PARD3: variants seen among roughly 807,000 people sequenced by gnomAD.
PARD3 encodes partitioning defective 3 homolog.
PARD3 carries 75 observed loss-of-function variants against 155.4 expected under a neutral mutation model. The ratio of observed to expected loss-of-function variants is 0.48; its 90% confidence interval spans 0.40 to 0.58. The LOEUF (loss-of-function observed/expected upper bound fraction) is 0.58. Ranked by LOEUF, PARD3 falls within the 20% of genes least tolerant of loss-of-function variation. The pLI is 0.00. For synonymous variants in PARD3, 576 were observed against 610.5 expected, an observed-to-expected ratio of 0.94 and a Z score of 0.83; for missense variants, 1,642 against 1,721.7, an observed-to-expected ratio of 0.95 and a Z score of 0.82.
intron 15 of PARD3, chr10:34,343,273 C>T: frequency 2.4e-6 from 2 of 850,040 alleles, no homozygotes; most frequent in African/African-American, 1.8e-5. Flanking sequence ...GAAAATATTA[C>T]AGTATAATCA....
chr10:34,302,611 T>C (rs193049834), intron 20 of PARD3, among the ~76,000 whole-genome samples: 1 of 152,310 alleles, frequency 6.6e-6, no homozygotes, highest in East Asian at 1.9e-4. Context: ...AGGTATCACT[T>C]GTTCTGTGAA....
chr10:34,568,430 G>C (rs962620085), intron 2 of PARD3, among the ~76,000 whole-genome samples: 2 of 151,998 alleles, frequency 1.3e-5, no homozygotes, highest in Non-Finnish European at 2.9e-5. Context: ...AAAGTTTCTA[G>C]ACAACAAGAA....
chr10:34,558,114 C>T (rs944937924), intron 2 of PARD3, among the ~76,000 whole-genome samples: 3 of 152,092 alleles, frequency 2.0e-5, no homozygotes, highest in Non-Finnish European at 4.4e-5. Context: ...ATACACTGAA[C>T]GTTTCTCACC....
chr10:34,466,632 T>G (rs557318730), intron 4 of PARD3, among the ~76,000 whole-genome samples: 1 of 152,248 alleles, frequency 6.6e-6, no homozygotes, highest in South Asian at 2.1e-4. Flanking sequence ...TACAATTTTA[T>G]ACAGAAAACC....
At chr10:34,725,251 C>T (rs2094687006) in intron 1 of PARD3, among the ~76,000 whole-genome samples, 2 of 152,076 alleles carry the variant, frequency 1.3e-5, no homozygotes, top group African/African-American at 4.8e-5. Context: ...CTCCCAGGTT[C>T]AAGCGATTCT....
intron 3 of PARD3, among the ~76,000 whole-genome samples, chr10:34,498,243 C>T (rs2080424219): frequency 1.3e-5 from 2 of 151,446 alleles, no homozygotes; most frequent in Admixed American, 1.3e-4. Flanking sequence ...TATTTCTCAG[C>T]TTCATTTGAT....
At chr10:34,577,502 C>T (rs2134216240) in intron 2 of PARD3, among the ~76,000 whole-genome samples, 1 of 152,318 alleles carries the variant, frequency 6.6e-6, no homozygotes, top group East Asian at 1.9e-4. Flanking sequence ...ATGTTTCAAA[C>T]CGCTGGACAC....
intron 20 of PARD3, among the ~76,000 whole-genome samples, chr10:34,297,831 T>C (rs1418825496): frequency 1.3e-5 from 2 of 152,172 alleles, no homozygotes; most frequent in Non-Finnish European, 2.9e-5. Flanking sequence ...CTCTTCTTTC[T>C]CCTTACTAGT....
chr10:34,271,357 T>C (rs1955603476), intron 21 of PARD3, among the ~76,000 whole-genome samples: 1 of 152,130 alleles, frequency 6.6e-6, no homozygotes, highest in African/African-American at 2.4e-5. Flanking sequence ...TTATACACCG[T>C]GACCAAATGG....
intron 2 of PARD3, among the ~76,000 whole-genome samples, chr10:34,542,874 A>G (rs1049423087): frequency 2.6e-5 from 4 of 152,204 alleles, no homozygotes; most frequent in African/African-American, 9.6e-5. Flanking sequence ...TTGTGAATAA[A>G]TTCACTATTT....
intron 2 of PARD3, among the ~76,000 whole-genome samples, chr10:34,681,589 T>C (rs911479569): frequency 1.7e-4 from 25 of 149,782 alleles, no homozygotes; most frequent in East Asian, 5.8e-4. Context: ...AACACCACTG[T>C]TGTAGCTGCA....
chr10:34,808,331 G>GA (rs1564640063), intron 1 of PARD3, among the ~76,000 whole-genome samples: 2 of 148,064 alleles, frequency 1.4e-5, no homozygotes, highest in African/African-American at 2.6e-5. Flanking sequence ...AAGAAAGAAA[G>GA]AAAAAACTTG....
intron 1 of PARD3, among the ~76,000 whole-genome samples, chr10:34,782,687 G>A (rs181990994): frequency 1.3e-5 from 2 of 152,094 alleles, no homozygotes; most frequent in Admixed American, 1.3e-4. Flanking sequence ...ATTCCAAGAA[G>A]GACTTAACGT....
intron 2 of PARD3, among the ~76,000 whole-genome samples, chr10:34,611,149 A>G (rs917038371): frequency 6.6e-6 from 1 of 152,220 alleles, no homozygotes; most frequent in African/African-American, 2.4e-5. Flanking sequence ...GTGAGGCAGA[A>G]TAAGGGCCAG....
At chr10:34,312,290 T>TA (rs901674856) in intron 20 of PARD3, 199 of 1,601,984 alleles carry the variant, frequency 1.2e-4, no homozygotes, top group Non-Finnish European at 1.6e-4. Flanking sequence ...ATTGTTTGTT[T>TA]AAAAAAAACA....
chr10:34,238,907 A>T (rs1212910808), intron 22 of PARD3, among the ~76,000 whole-genome samples: 1 of 152,240 alleles, frequency 6.6e-6, no homozygotes, highest in Non-Finnish European at 1.5e-5. Context: ...GGTTTTAAAT[A>T]TACATAACTT....
chr10:34,667,546 A>T (rs2093517348), intron 2 of PARD3, among the ~76,000 whole-genome samples: 1 of 152,246 alleles, frequency 6.6e-6, no homozygotes, highest in Non-Finnish European at 1.5e-5. Context: ...TGGGGAAAAA[A>T]GATATTTGAT....
intron 3 of PARD3, among the ~76,000 whole-genome samples, chr10:34,501,683 A>C (rs906076546): frequency 6.6e-6 from 1 of 152,174 alleles, no homozygotes; most frequent in African/African-American, 2.4e-5. Context: ...GTAAATATTT[A>C]AATGCATGTA....
chr10:34,355,644 C>T (rs1838717568), intron 14 of PARD3, among the ~76,000 whole-genome samples: 1 of 151,958 alleles, frequency 6.6e-6, no homozygotes, highest in African/African-American at 2.4e-5. Flanking sequence ...AACAAACAGA[C>T]CTGGTGGGGC....
Sources: allele counts gnomAD v4.1 joint callset (sites outside exome capture counted in the v4.1 genomes callset), GRCh38; gene constraint gnomAD v4.1.1; transcripts MANE v1.5; gene names NCBI Gene and HGNC (gene_info 2026-07-23, HGNC 2026-07-21).